Variants in PRKG1 observed in about 807,000 individuals in gnomAD.
PRKG1 encodes the protein protein kinase cGMP-dependent 1.
In PRKG1, 35 loss-of-function variants were observed where a neutral mutation model predicts 88.1. The ratio of observed to expected loss-of-function variants is 0.40; its 90% CI spans 0.30 to 0.53. The LOEUF (loss-of-function observed/expected upper bound fraction) is 0.53, where lower values mean the gene tolerates loss of function less well. Among genes scored for constraint, PRKG1 ranks in the 20% least tolerant of loss-of-function variants. PRKG1 has a pLI of 0.59. For missense variants in PRKG1, 540 were observed against 839.8 expected, an observed-to-expected ratio of 0.64 and a Z score of 4.41; for synonymous variants, 303 against 292.5, an observed-to-expected ratio of 1.04 and a Z score of -0.37.
chr10:51,183,078 C>T (rs1219206220), intron 2 of PRKG1, among the ~76,000 whole-genome samples: 2 of 152,058 alleles, frequency 1.3e-5, no homozygotes, highest in Non-Finnish European at 2.9e-5. Context: ...TTTTTCTGGT[C>T]CTTTTACCTC....
chr10:51,619,977 T>C (rs988059818), intron 3 of PRKG1, among the ~76,000 whole-genome samples: 19 of 152,274 alleles, frequency 1.2e-4, no homozygotes, highest in South Asian at 8.3e-4. Context: ...GGACTCCAGA[T>C]TGAAACATGC....
intron 2 of PRKG1, among the ~76,000 whole-genome samples, chr10:51,261,930 G>C (rs1223472711): frequency 6.9e-6 from 1 of 144,658 alleles, no homozygotes; most frequent in Non-Finnish European, 1.5e-5. Flanking sequence ...TGTCGCCCAG[G>C]CTGGAATGCA....
At chr10:51,139,844 G>GT (rs1845781560) in intron 1 of PRKG1, among the ~76,000 whole-genome samples, 2 of 152,136 alleles carry the variant, frequency 1.3e-5, no homozygotes, top group Admixed American at 1.3e-4. Flanking sequence ...TTCTAGAGAT[G>GT]TTTTTTACAA....
intron 3 of PRKG1, among the ~76,000 whole-genome samples, chr10:51,628,339 T>G (rs1330343104): frequency 6.6e-6 from 1 of 151,374 alleles, no homozygotes; most frequent in Non-Finnish European, 1.5e-5. Flanking sequence ...ATTTTTGTAT[T>G]TTTTGTAGAA....
intron 2 of PRKG1, among the ~76,000 whole-genome samples, chr10:51,236,905 G>C (rs1328482076): frequency 1.3e-5 from 2 of 152,172 alleles, no homozygotes; most frequent in African/African-American, 4.8e-5. Flanking sequence ...AGGGTAGTTA[G>C]ACAGTCTTTA....
At chr10:51,850,653 A>G (rs961549571) in intron 4 of PRKG1, among the ~76,000 whole-genome samples, 5 of 152,204 alleles carry the variant, frequency 3.3e-5, no homozygotes, top group Non-Finnish European at 7.3e-5. Flanking sequence ...TAAAGAAAAC[A>G]TACCTACAGC....
intron 5 of PRKG1, among the ~76,000 whole-genome samples, chr10:52,005,070 C>T (rs769934892): frequency 6.6e-5 from 10 of 152,052 alleles, no homozygotes; most frequent in Non-Finnish European, 1.3e-4. Flanking sequence ...TCATGTGTTA[C>T]AGGACTTTTG....
intron 12 of PRKG1, among the ~76,000 whole-genome samples, chr10:52,274,618 T>C (rs1841823537): frequency 6.6e-6 from 1 of 151,868 alleles, no homozygotes; most frequent in South Asian, 2.1e-4. Context: ...TTGATGGGCA[T>C]TTGATTTGGT....
At chr10:51,534,407 A>G (rs1405698585) in intron 3 of PRKG1, among the ~76,000 whole-genome samples, 2 of 152,008 alleles carry the variant, frequency 1.3e-5, no homozygotes, top group Non-Finnish European at 2.9e-5. Flanking sequence ...GGTGGCTCAC[A>G]CCTGTAATCC....
intron 1 of PRKG1, among the ~76,000 whole-genome samples, chr10:51,123,419 C>G (rs1845312731): frequency 6.6e-6 from 1 of 152,146 alleles, no homozygotes; most frequent in South Asian, 2.1e-4. Context: ...GGCCTGGTGG[C>G]TCACGCCTGT....
chr10:51,076,512 C>A (rs1287336690), intron 1 of PRKG1, among the ~76,000 whole-genome samples: 1 of 152,200 alleles, frequency 6.6e-6, no homozygotes, highest in African/African-American at 2.4e-5. Flanking sequence ...CATAGGATCT[C>A]ATTTTTGTAT....
chr10:51,016,281 C>T (rs1843058485), intron 1 of PRKG1, among the ~76,000 whole-genome samples: 1 of 152,178 alleles, frequency 6.6e-6, no homozygotes. Flanking sequence ...ACTCTGCCAG[C>T]TCTGTGTTTT....
At chr10:51,283,522 A>C (rs544505602) in intron 2 of PRKG1, among the ~76,000 whole-genome samples, 83 of 152,258 alleles carry the variant, frequency 5.5e-4, no homozygotes, top group African/African-American at 1.9e-3. Context: ...TTTCACTGAG[A>C]TCAATGGCAG....
intron 2 of PRKG1, among the ~76,000 whole-genome samples, chr10:51,234,807 AT>A (rs1279106989): frequency 3.3e-5 from 5 of 152,210 alleles, no homozygotes; most frequent in Non-Finnish European, 2.9e-5. Flanking sequence ...AAGAAAAAAA[AT>A]AAAAATATTT....
rs568874179 is a variant in PRKG1, at chr10:51,818,142, T to C, written c.698+13452T>C. Among the ~76,000 whole-genome samples the C allele has an allele frequency of 1.4e-4, 21 of 152,328 alleles. No homozygotes were observed. In the East Asian group the frequency reaches 3.5e-3, roughly 25 times the overall value. ...ATATAGAATTAACCTAAATCAGATT[T>C]TGTTATCATATAGAAACACATCAAA... On this transcript the variant is annotated intron_variant, in intron 4 of 17. Coordinates refer to ENST00000373980, the MANE Select transcript of PRKG1 (RefSeq NM_006258.4).
intron 1 of PRKG1, among the ~76,000 whole-genome samples, chr10:51,099,384 G>GACACACACACACACACAC (rs71459403): frequency 1.3e-5 from 2 of 148,786 alleles, no homozygotes; most frequent in Admixed American, 1.3e-4. Flanking sequence ...CAGCATTCAA[G>GACACACACACACACACAC]ACACACACAC....
chr10:51,189,073 T>C (rs2132037517), intron 2 of PRKG1, among the ~76,000 whole-genome samples: 1 of 151,830 alleles, frequency 6.6e-6, no homozygotes, highest in East Asian at 1.9e-4. Context: ...AACAGTGCTA[T>C]CATGAGGTGA....
intron 2 of PRKG1, among the ~76,000 whole-genome samples, chr10:51,247,098 A>C (rs1839311246): frequency 6.6e-6 from 1 of 151,998 alleles, no homozygotes; most frequent in Admixed American, 6.6e-5. Flanking sequence ...ATGGAGTAAT[A>C]AATGTATGGT....
At chr10:52,111,348 C>T (rs758676111) in intron 7 of PRKG1, among the ~76,000 whole-genome samples, 95 of 152,190 alleles carry the variant, frequency 6.2e-4, no homozygotes, top group Non-Finnish European at 1.1e-3. Context: ...ACTAACACTT[C>T]GTTTTAACAA....
Sources: gnomAD v4.1 joint callset for allele counts (sites outside exome capture counted in the v4.1 genomes callset) on GRCh38, gnomAD v4.1.1 for gene constraint, MANE v1.5 for transcripts, NCBI Gene and HGNC (gene_info 2026-07-23, HGNC 2026-07-21) for gene names.